STXBP5: variants seen among roughly 807,000 people sequenced by gnomAD.
STXBP5 encodes syntaxin-binding protein 5.
Under a neutral mutation model 152.4 loss-of-function variants are expected in STXBP5, and 50 were observed. The observed-to-expected ratio is 0.33, with a 90% CI of 0.26 to 0.42. STXBP5 has a LOEUF of 0.42. STXBP5 is among the 10% of genes least tolerant of loss of function. The pLI is 1.00. For synonymous variants in STXBP5, 492 were observed against 494.7 expected (o/e 0.99, Z 0.07); for missense variants, 1,167 against 1,388.6 (o/e 0.84, Z 2.54).
intron 9 of STXBP5, among the ~76,000 whole-genome samples, chr6:147,298,191 G>C (rs1173653117): frequency 3.3e-5 from 5 of 151,976 alleles, no homozygotes; most frequent in African/African-American, 1.2e-4. Flanking sequence ...AAATGAGCAG[G>C]TTTATAAAAT....
chr6:147,345,804 G>A (rs886721127), intron 21 of STXBP5, among the ~76,000 whole-genome samples: 4 of 152,232 alleles, frequency 2.6e-5, no homozygotes, highest in Non-Finnish European at 5.9e-5. Context: ...GCTTCTCTTG[G>A]ACATCATACA....
chr6:147,332,751 CTTAT>C (rs1783638771), intron 18 of STXBP5, among the ~76,000 whole-genome samples: 1 of 152,192 alleles, frequency 6.6e-6, no homozygotes, highest in Non-Finnish European at 1.5e-5. Context: ...GGATTTTTAG[CTTAT>C]TTAACAGTTG....
chr6:147,294,001 C>T (rs2128354863), intron 9 of STXBP5, among the ~76,000 whole-genome samples: 1 of 152,234 alleles, frequency 6.6e-6, no homozygotes, highest in East Asian at 1.9e-4. Context: ...TGAGATGTTA[C>T]ATAGCTTTTA....
At chr6:147,344,874 T>C (rs965926853) in intron 21 of STXBP5, among the ~76,000 whole-genome samples, 6 of 152,184 alleles carry the variant, frequency 3.9e-5, no homozygotes, top group African/African-American at 1.2e-4. Context: ...AGTTTAATTA[T>C]GATGTTATTT....
Position 147,380,096 on chromosome 6 carries a change from A to G in STXBP5, c.3194-2682A>G, listed in dbSNP as rs1438509712. On this transcript the variant is annotated intron_variant, in intron 26 of 27. Coordinates refer to ENST00000321680, the MANE Select transcript of STXBP5 (RefSeq NM_001127715.4). ...ATTTAACACAATTCATATCAAAATC[A>G]CAACAATTTTTTTTCAGAAAGCAGT... Among the ~76,000 whole-genome samples the G allele has an allele frequency of 6.7e-5, 10 of 149,776 alleles. No homozygotes were observed. In the South Asian group the frequency reaches 1.9e-3, roughly 28 times the overall value.
intron 2 of STXBP5, among the ~76,000 whole-genome samples, chr6:147,230,678 T>G (rs1777957197): frequency 6.6e-6 from 1 of 151,810 alleles, no homozygotes; most frequent in Non-Finnish European, 1.5e-5. Context: ...TGTGTGTGTA[T>G]GTGTGTGTTT....
At chr6:147,242,664 A>C (rs1181079821) in intron 4 of STXBP5, among the ~76,000 whole-genome samples, 1 of 152,216 alleles carries the variant, frequency 6.6e-6, no homozygotes, top group Non-Finnish European at 1.5e-5. Flanking sequence ...TGTAATACGC[A>C]GTAACATGCT....
intron 22 of STXBP5, among the ~76,000 whole-genome samples, chr6:147,358,334 G>A (rs886813628): frequency 2.9e-4 from 44 of 152,216 alleles, no homozygotes; most frequent in African/African-American, 7.2e-4. Context: ...GTCATGGATT[G>A]TATTACCAAA....
intron 10 of STXBP5, among the ~76,000 whole-genome samples, chr6:147,311,146 A>G (rs1782355779): frequency 6.6e-6 from 1 of 152,194 alleles, no homozygotes; most frequent in Non-Finnish European, 1.5e-5. Flanking sequence ...AGATTAAATG[A>G]TAACTGTTCT....
rs192147052 is a variant in STXBP5, at chr6:147,325,213, G to C, written c.1928+129G>C. On this transcript the variant is annotated intron_variant, in intron 17 of 27. Coordinates refer to ENST00000321680, the MANE Select transcript of STXBP5 (RefSeq NM_001127715.4). ...ATGGCATTCTACAATTTTGATTTCA[G>C]ACGAAATTGACTGTTTATTTGGAAC... 1.1e-4 allele frequency: 95 copies of C among 900,264 alleles called. No individual in the cohort carries two copies. In the African/African-American group the frequency reaches 1.5e-3, roughly 14 times the overall value. The allele number at this position is 900,264 out of a possible 1,614,324, so 55.8% of individuals were successfully genotyped here.
chr6:147,275,597 G>T (rs1248062082), intron 7 of STXBP5, among the ~76,000 whole-genome samples: 1 of 107,560 alleles, frequency 9.3e-6, no homozygotes, highest in Admixed American at 1.5e-4. Flanking sequence ...TCGCTCTGTT[G>T]CCCAGGCTGG....
chr6:147,292,207 T>A (rs760188305), intron 9 of STXBP5: 10 of 445,346 alleles, frequency 2.2e-5, no homozygotes, highest in African/African-American at 6.1e-5. Context: ...CAGGCTAAAA[T>A]ATATATATAA....
intron 2 of STXBP5, among the ~76,000 whole-genome samples, chr6:147,207,794 T>C (rs1347414911): frequency 6.6e-6 from 1 of 152,194 alleles, no homozygotes; most frequent in African/African-American, 2.4e-5. Context: ...GGTTTTATTG[T>C]TTTCCCAGTG....
chr6:147,204,469 TCTCCCCCGCCCGGGGACCCCCTGTGC>T lies in STXBP5; in HGVS notation c.-57_-32del. The T allele has an allele frequency of 6.4e-7, 1 of 1,556,856 alleles. No individual in the cohort carries two copies. Among genetic ancestry groups the T allele is most frequent in the Non-Finnish European group, 8.7e-7 (1 of 1,148,504 alleles). Reference sequence around the variant, plus strand: ...CGAAGCTGCCTTCGGCCCCGGGTGGTCTCCCCCGCCCGGGGACCCCCTGTGCCTCCCCTCCCGGGCTGCGGGGGAGC... The same window carrying T: ...CGAAGCTGCCTTCGGCCCCGGGTGGTCTCCCCTCCCGGGCTGCGGGGGAGC... On this transcript the variant is annotated 5_prime_UTR_variant, in exon 1 of 28. Transcript: ENST00000321680. The surrounding 1 kb of genome is among the most constrained non-coding windows in gnomAD (Gnocchi z 4.3).
At position 147,292,472 on chromosome 6, in the gene STXBP5, A is replaced by G. The variant is rs1272952697; in HGVS notation, c.917+1300A>G. 7.2e-5 allele frequency: 16 copies of G among 222,398 alleles called. No individual in the cohort carries two copies. The Admixed American group carries it at 9.0e-4, about 12-fold the overall frequency. 13.8% of individuals were successfully genotyped at this position (222,398 alleles called of 1,614,324 possible). On this transcript the variant is annotated intron_variant, in intron 9 of 27. Transcript: ENST00000321680. ...TTAATTGAGATGATAATGTATGTAA[A>G]ACATTTCAAGCAGTTTCTGGTATAT... is the stretch of plus-strand genomic sequence containing the variant.
intron 2 of STXBP5, among the ~76,000 whole-genome samples, chr6:147,227,748 T>C (rs144515051): frequency 4.6e-5 from 7 of 152,222 alleles, no homozygotes; most frequent in African/African-American, 1.7e-4. Context: ...GTAATTAATA[T>C]AAACTTTTAG....
At chr6:147,319,239 A>G (rs868728229) in intron 16 of STXBP5, among the ~76,000 whole-genome samples, 5 of 152,132 alleles carry the variant, frequency 3.3e-5, no homozygotes, top group African/African-American at 1.2e-4. Flanking sequence ...GAGTTTTTAC[A>G]TTACTATATA....
chr6:147,225,816 T>C (rs902414686), intron 2 of STXBP5, among the ~76,000 whole-genome samples: 1 of 152,212 alleles, frequency 6.6e-6, no homozygotes, highest in African/African-American at 2.4e-5. Flanking sequence ...AGAGGAAATA[T>C]TGTTGTGATT....
intron 26 of STXBP5, among the ~76,000 whole-genome samples, chr6:147,381,306 G>A (rs1256934727): frequency 6.6e-6 from 1 of 152,128 alleles, no homozygotes; most frequent in African/African-American, 2.4e-5. Context: ...TGTCATTAGG[G>A]AAATGCAAGT....
Sources: allele counts gnomAD v4.1 joint callset (sites outside exome capture counted in the v4.1 genomes callset), GRCh38; gene constraint gnomAD v4.1.1; non-coding constraint Gnocchi (gnomAD v3.1); transcripts MANE v1.5; gene names NCBI Gene and HGNC (gene_info 2026-07-23, HGNC 2026-07-21).